The following ZNF624 variants were observed in gnomAD, a reference collection of about 807,000 sequenced individuals.
The protein encoded by ZNF624 is zinc finger protein 624.
In ZNF624, 43 loss-of-function variants were observed where a neutral mutation model predicts 74.7. The observed-to-expected ratio is 0.58, with a 90% CI of 0.45 to 0.74. ZNF624 has a LOEUF of 0.74. Ranked by LOEUF, ZNF624 falls within the 30% of genes least tolerant of loss-of-function variation. ZNF624 has a pLI of 0.00. For missense variants in ZNF624, 820 were observed against 1,030.0 expected (o/e 0.80, Z 2.79); for synonymous variants, 331 against 341.3 (o/e 0.97, Z 0.33).
chr17:16,615,950 C>CAT (rs1908781745), downstream of ZNF624, among the ~76,000 whole-genome samples: 1 of 74,568 alleles, frequency 1.3e-5, no homozygotes, highest in South Asian at 6.1e-4. Context: ...AAATCTATTC[C>CAT]ATATACATAT....
At chr17:16,617,665 G>A, downstream of ZNF624, 1 of 1,602,338 alleles carries the variant, frequency 6.2e-7, no homozygotes, top group Non-Finnish European at 8.5e-7. Context: ...TTGCGACGCG[G>A]GCCCCGGGCG....
downstream of ZNF624, chr17:16,617,531 A>T: frequency 6.3e-7 from 1 of 1,583,490 alleles, no homozygotes. Context: ...CACAGACTAG[A>T]AAGATTTTCT....
chr17:16,645,845 G>A lies in ZNF624; in HGVS notation c.153+1484C>T, dbSNP rs551237199. On this transcript the variant is annotated intron_variant, in intron 3 of 5. Coordinates refer to ENST00000311331, the MANE Select transcript of ZNF624 (RefSeq NM_020787.4). ...TAGGTCCCTGTAATCCCGGCTACTC[G>A]GGAGGCTGAGGCAGGAGAATCGCTT... 9.8e-4 allele frequency among the ~76,000 whole-genome samples: 148 copies of A among 150,440 alleles called. 1 individual carries two copies. The highest frequency in any genetic ancestry group is 3.4e-3 in the African/African-American group (140 of 41,006).
intron 1 of ZNF624, among the ~76,000 whole-genome samples, chr17:16,651,217 A>T (rs937463370): frequency 6.6e-6 from 1 of 152,066 alleles, no homozygotes; most frequent in Non-Finnish European, 1.5e-5. Flanking sequence ...ACCTGAGGTC[A>T]GGAGTTTGAG....
intron 1 of ZNF624, among the ~76,000 whole-genome samples, chr17:16,650,648 T>C (rs1909703482): frequency 6.6e-6 from 1 of 152,136 alleles, no homozygotes; most frequent in Admixed American, 6.5e-5. Context: ...CAGGAGTGCC[T>C]GATGTAGGAT....
In ZNF624 at chr17:16,638,239, A is replaced by G. The variant is rs1386119771; in HGVS notation, c.154-3483T>C. The stretch of plus-strand genomic sequence containing the variant: ...ACAGGTGCTGGAGAGGATGTGGAGA[A>G]ATAGGAACACTTTTACACTGTTGGT... On this transcript the variant is annotated intron_variant, in intron 3 of 5. Transcript: ENST00000311331. Among the ~76,000 whole-genome samples the G allele has an allele frequency of 2.0e-5, 3 of 152,238 alleles. No homozygotes were observed. In the East Asian group the frequency reaches 5.8e-4, roughly 29 times the overall value.
At chr17:16,627,675 T>A (rs1909105183) in intron 5 of ZNF624, among the ~76,000 whole-genome samples, 2 of 152,188 alleles carry the variant, frequency 1.3e-5, no homozygotes, top group South Asian at 4.1e-4. Flanking sequence ...TTTAGGTCCA[T>A]TAAGGAGGAC....
downstream of ZNF624, among the ~76,000 whole-genome samples, chr17:16,616,278 A>T (rs1401180561): frequency 6.6e-6 from 1 of 152,066 alleles, no homozygotes; most frequent in African/African-American, 2.4e-5. Context: ...TGCCTTGTTT[A>T]CACTAAAGTA....
chr17:16,633,911 C>A lies in ZNF624; in HGVS notation c.327G>T (p.Gly109=). ...CTCTCACCGTCACCCATGGTCCTTTCCCATTCTCCAAATGAGATATCATGT... is the reference window on the plus strand; with the variant it reads ...CTCTCACCGTCACCCATGGTCCTTTACCATTCTCCAAATGAGATATCATGT... ...KPDMISHLEN[G]KGPWVTVREI... is the part of the protein sequence containing the mutation. Residue 109 remains glycine (G), a synonymous_variant, in exon 5 of 6, where the codon GGG becomes GGT. Transcript: ENST00000311331. 1 of 1,613,706 alleles carries A rather than the reference C, an allele frequency of 6.2e-7. No homozygotes were observed. The highest frequency in any genetic ancestry group is 1.1e-5 in the South Asian group (1 of 91,068).
downstream of ZNF624, chr17:16,616,913 A>C (rs2142555305): frequency 6.6e-7 from 1 of 1,522,630 alleles, no homozygotes; most frequent in South Asian, 1.2e-5. Flanking sequence ...CAGGATCTTG[A>C]AGTAGCTCTT....
At chr17:16,633,037 C>T (rs62073661) in intron 5 of ZNF624, among the ~76,000 whole-genome samples, 5,838 of 152,260 alleles carry the variant, frequency 0.038, 192 homozygotes, top group East Asian at 0.19. Flanking sequence ...CTTCAGGTCT[C>T]GGCTTAAATG....
At chr17:16,652,283 A>G (rs1909744242) in intron 1 of ZNF624, among the ~76,000 whole-genome samples, 1 of 152,236 alleles carries the variant, frequency 6.6e-6, no homozygotes, top group Admixed American at 6.5e-5. Flanking sequence ...CTGACCCCCA[A>G]GTTTTACAAG....
At chr17:16,618,969 T>C (rs1460252769), downstream of ZNF624, among the ~76,000 whole-genome samples, 2 of 152,204 alleles carry the variant, frequency 1.3e-5, no homozygotes, top group African/African-American at 2.4e-5. Flanking sequence ...TCAGTTCTCC[T>C]AACCCCCGAA....
intron 3 of ZNF624, among the ~76,000 whole-genome samples, chr17:16,645,246 T>G (rs1909560108): frequency 6.6e-6 from 1 of 152,030 alleles, no homozygotes; most frequent in South Asian, 2.1e-4. Context: ...TGAAGACCAG[T>G]CTGGCCAACA....
At chr17:16,645,945 C>CAAAAAAA (rs35486112) in intron 3 of ZNF624, among the ~76,000 whole-genome samples, 49 of 55,868 alleles carry the variant, frequency 8.8e-4, no homozygotes, top group East Asian at 2.2e-3. Context: ...GACTCCATCT[C>CAAAAAAA]AAAAAAAAAA....
chr17:16,634,527 C>G, intron 4 of ZNF624, 103 bp downstream of exon 4: 3 of 1,287,670 alleles, frequency 2.3e-6, no homozygotes, highest in Non-Finnish European at 3.2e-6. Flanking sequence ...ACAATGTGCC[C>G]CTAAAATCAA....
intron 3 of ZNF624, among the ~76,000 whole-genome samples, chr17:16,640,050 T>C (rs1909430094): frequency 2.0e-5 from 3 of 151,208 alleles, no homozygotes; most frequent in Non-Finnish European, 4.4e-5. Context: ...AAGAAAACCA[T>C]GTATAAAGAT....
intron 5 of ZNF624, among the ~76,000 whole-genome samples, chr17:16,630,990 T>A (rs1909194201): frequency 5.9e-5 from 1 of 16,998 alleles, no homozygotes; most frequent in Non-Finnish European, 9.2e-5. Flanking sequence ...TACTCAATAC[T>A]CAATACCTAC....
downstream of ZNF624, among the ~76,000 whole-genome samples, chr17:16,616,521 C>A (rs58997769): frequency 0.028 from 4,271 of 152,210 alleles, 192 homozygotes; most frequent in African/African-American, 0.097. Context: ...AACAAAAAAA[C>A]CCTGCCAGCA....
Sources: gnomAD v4.1 joint callset for allele counts (sites outside exome capture counted in the v4.1 genomes callset) on GRCh38, gnomAD v4.1.1 for gene constraint, MANE v1.5 for transcripts, NCBI Gene and HGNC (gene_info 2026-07-23, HGNC 2026-07-21) for gene names.